HPGD: variants seen among roughly 807,000 people sequenced by gnomAD.
The protein encoded by HPGD is 15-hydroxyprostaglandin dehydrogenase.
Under a neutral mutation model 30.0 loss-of-function variants are expected in HPGD, and 29 were observed. The observed-to-expected ratio is 0.97, with a 90% CI of 0.72 to 1.32. HPGD has a LOEUF of 1.32. Among genes scored for constraint, HPGD ranks in the 40% most tolerant of loss-of-function variants. HPGD has a pLI of 0.00. For synonymous variants in HPGD, 99 were observed against 112.4 expected (o/e 0.88, Z 0.75); for missense variants, 340 against 322.1 (o/e 1.06, Z -0.43).
rs1734392022 is a variant in HPGD, at chr4:174,492,605, G to A, written c.663-511C>T. Among the ~76,000 whole-genome samples the A allele has an allele frequency of 6.6e-6, 1 of 151,930 alleles. No individual in the cohort carries two copies. Among genetic ancestry groups the A allele is most frequent in the Non-Finnish European group, 1.5e-5 (1 of 67,890 alleles). On this transcript the variant is annotated intron_variant, in intron 6 of 6. Transcript: ENST00000296522. The surrounding 1 kb of genome is among the most constrained non-coding windows in gnomAD (Gnocchi z 4.9). ...CTGTTGTATTATCTCTATTTTATAT[G>A]TGAGAAAATTGAAGCATCTAGAGGT...
chr4:174,521,588 C>A (rs1383737453), intron 2 of HPGD, among the ~76,000 whole-genome samples: 5 of 152,156 alleles, frequency 3.3e-5, no homozygotes, highest in African/African-American at 7.2e-5. Context: ...AGTTGTTTGT[C>A]AACAGTACCT....
chr4:174,502,502 C>T (rs932119587), intron 4 of HPGD, among the ~76,000 whole-genome samples: 5 of 151,968 alleles, frequency 3.3e-5, no homozygotes, highest in African/African-American at 9.7e-5. Flanking sequence ...CACGGTGAAA[C>T]CCCGTCTCTA....
intron 5 of HPGD, chr4:174,495,333 AAC>A (rs1433862630): frequency 1.7e-6 from 1 of 577,994 alleles, no homozygotes; most frequent in African/African-American, 1.9e-5. Flanking sequence ...TTTTTTAAAT[AAC>A]ACATCTGTAT....
intron 2 of HPGD, among the ~76,000 whole-genome samples, chr4:174,521,317 A>C (rs1736104742): frequency 6.6e-6 from 1 of 152,168 alleles, no homozygotes; most frequent in Non-Finnish European, 1.5e-5. Context: ...GTCTATTTTA[A>C]GTGAGTAGCC....
At chr4:174,505,064 T>C (rs891017152) in intron 4 of HPGD, among the ~76,000 whole-genome samples, 11 of 152,196 alleles carry the variant, frequency 7.2e-5, no homozygotes, top group Admixed American at 5.9e-4. Flanking sequence ...TCAGAACAAC[T>C]TGTGGAACTC....
intron 3 of HPGD, among the ~76,000 whole-genome samples, chr4:174,509,653 G>T (rs1735377009): frequency 6.6e-6 from 1 of 152,176 alleles, no homozygotes; most frequent in Non-Finnish European, 1.5e-5. Flanking sequence ...GTCGGTGGGA[G>T]GGATGACACA....
In HPGD at chr4:174,508,728, C is replaced by T; in HGVS notation, c.389G>A (p.Gly130Asp). The change falls in exon 4 of 7, where the codon GGC becomes GAC. Residue 130 changes from glycine (G) to aspartate (D), a missense_variant. Transcript: ENST00000296522. ...DYMSKQNGGEGGIIINMSSLA... is the reference protein window; with the variant it reads ...DYMSKQNGGEDGIIINMSSLA... ...AGATGACATATTGATAATGATGCCGCCTTCACCTCCATTTTGCTTACTCAT... is the reference window on the plus strand; with the variant it reads ...AGATGACATATTGATAATGATGCCGTCTTCACCTCCATTTTGCTTACTCAT... 1.9e-6 allele frequency: 3 copies of T among 1,609,922 alleles called. No individual in the cohort carries two copies. Among genetic ancestry groups the T allele is most frequent in the African/African-American group, 2.7e-5 (2 of 74,958 alleles).
At chr4:174,521,710 G>T (rs910896997) in intron 2 of HPGD, among the ~76,000 whole-genome samples, 4 of 152,232 alleles carry the variant, frequency 2.6e-5, no homozygotes, top group African/African-American at 9.6e-5. Context: ...CATTAATGCT[G>T]CCAAATGACT....
intron 4 of HPGD, among the ~76,000 whole-genome samples, chr4:174,502,123 C>T (rs943082657): frequency 3.3e-5 from 5 of 151,792 alleles, no homozygotes; most frequent in African/African-American, 4.9e-5. Flanking sequence ...AAAGCTGTCA[C>T]ATTTTCTTTA....
chr4:174,495,795 G>A, intron 4 of HPGD, 171 bp from the exon 5 acceptor site: 1 of 645,568 alleles, frequency 1.5e-6, no homozygotes, highest in East Asian at 2.8e-5. Flanking sequence ...CCTAAGTGTA[G>A]TTTATTTGCT....
chr4:174,522,686 G>A, upstream of HPGD: 3 of 459,814 alleles, frequency 6.5e-6, no homozygotes, highest in Non-Finnish European at 1.1e-5. Flanking sequence ...CTCGCAGACC[G>A]GCTCAAAGCC....
At chr4:174,516,575 A>C (rs1735785143) in intron 3 of HPGD, among the ~76,000 whole-genome samples, 1 of 152,170 alleles carries the variant, frequency 6.6e-6, no homozygotes, top group Non-Finnish European at 1.5e-5. Flanking sequence ...CTGTACACCA[A>C]ACCCCAGTGA....
chr4:174,518,312 A>T (rs982367484), intron 2 of HPGD, among the ~76,000 whole-genome samples: 1 of 152,210 alleles, frequency 6.6e-6, no homozygotes, highest in Non-Finnish European at 1.5e-5. Context: ...AGACTAACTG[A>T]ATAAGAATCT....
At chr4:174,517,105 T>C (rs1382728320) in intron 3 of HPGD, among the ~76,000 whole-genome samples, 1 of 152,230 alleles carries the variant, frequency 6.6e-6, no homozygotes, top group African/African-American at 2.4e-5. Context: ...AGGCACAGCC[T>C]ATTTGACATT....
intron 4 of HPGD, chr4:174,508,158 C>T (rs1270948903): frequency 1.4e-6 from 1 of 702,258 alleles, no homozygotes; most frequent in Non-Finnish European, 2.6e-6. Context: ...GCCAGGTTTT[C>T]AAATGTCTGC....
Position 174,491,833 on chromosome 4 carries a change from C to T in HPGD, c.*123G>A. 1.1e-6 allele frequency: 1 copy of T among 897,610 alleles called. No homozygotes were observed. The highest frequency in any genetic ancestry group is 1.4e-5 in the South Asian group (1 of 71,406). The allele number at this position is 897,610 out of a possible 1,614,324, so 55.6% of individuals were successfully genotyped here. On this transcript the variant is annotated 3_prime_UTR_variant, in exon 7 of 7. Coordinates refer to ENST00000296522, the MANE Select transcript of HPGD (RefSeq NM_000860.6). ...CTAAAAATTTAGAAAACGTTTATCACCAAGTGCATGAAGGAAAACTTCAAA... is the reference window on the plus strand; with the variant it reads ...CTAAAAATTTAGAAAACGTTTATCATCAAGTGCATGAAGGAAAACTTCAAA...
intron 4 of HPGD, chr4:174,508,187 C>T (rs1037336213): frequency 8.6e-6 from 6 of 696,608 alleles, no homozygotes; most frequent in Non-Finnish European, 1.6e-5. Context: ...GAGATACCTG[C>T]AACAAGGATC....
intron 2 of HPGD, among the ~76,000 whole-genome samples, chr4:174,521,465 G>A (rs1458369825): frequency 6.6e-6 from 1 of 152,136 alleles, no homozygotes; most frequent in Non-Finnish European, 1.5e-5. Context: ...AAAACATATG[G>A]TCAAAAGCAT....
At chr4:174,495,180 C>A (rs3857075) in intron 5 of HPGD, among the ~76,000 whole-genome samples, 108,572 of 151,890 alleles carry the variant, frequency 0.71, 39,613 homozygotes, top group East Asian at 0.82. Context: ...GTTCTCACTC[C>A]TTTTCATCGT....
Sources: gnomAD v4.1 joint callset for allele counts (sites outside exome capture counted in the v4.1 genomes callset) on GRCh38, gnomAD v4.1.1 for gene constraint, Gnocchi (gnomAD v3.1) non-coding constraint, MANE v1.5 for transcripts, NCBI Gene and HGNC (gene_info 2026-07-23, HGNC 2026-07-21) for gene names.